Variants in KPNA4 observed in about 807,000 individuals in gnomAD.
KPNA4 encodes the protein importin subunit alpha-3.
KPNA4 carries 13 observed loss-of-function variants against 71.3 expected under a neutral mutation model. That is an observed-to-expected ratio of 0.18 (90% CI 0.12 to 0.29). The LOEUF (loss-of-function observed/expected upper bound fraction) is 0.29, where lower values mean the gene tolerates loss of function less well. KPNA4 is among the 10% of genes least tolerant of loss of function. The probability of loss-of-function intolerance (pLI) is 1.00; values close to 1 mark genes in which losing one functional copy is unlikely to be tolerated. For synonymous variants in KPNA4, 189 were observed against 195.2 expected (o/e 0.97, Z 0.26); for missense variants, 334 against 603.2 (o/e 0.55, Z 4.67).
chr3:160,562,660 C>T (rs1268352125), intron 1 of KPNA4, among the ~76,000 whole-genome samples: 1 of 152,162 alleles, frequency 6.6e-6, no homozygotes, highest in Non-Finnish European at 1.5e-5. Context: ...ACAGTGTGGA[C>T]AAAGTATGAC....
chr3:160,555,757 A>G (rs1439779064), intron 1 of KPNA4, among the ~76,000 whole-genome samples: 1 of 152,092 alleles, frequency 6.6e-6, no homozygotes, highest in Non-Finnish European at 1.5e-5. Context: ...TGCATATACC[A>G]TACTTTGTGC....
At chr3:160,505,390 T>G (rs1312997151) in intron 15 of KPNA4, among the ~76,000 whole-genome samples, 1 of 152,226 alleles carries the variant, frequency 6.6e-6, no homozygotes, top group Non-Finnish European at 1.5e-5. Flanking sequence ...AAGCGGAATC[T>G]TCCTACTTTC....
intron 11 of KPNA4, among the ~76,000 whole-genome samples, chr3:160,520,077 T>A (rs1480992303): frequency 4.6e-5 from 7 of 152,036 alleles, no homozygotes; most frequent in Non-Finnish European, 1.5e-5. Flanking sequence ...AGATCCTTAA[T>A]GAAGTCCATT....
intron 16 of KPNA4, among the ~76,000 whole-genome samples, chr3:160,503,503 C>T (rs1720921928): frequency 6.6e-6 from 1 of 152,092 alleles, no homozygotes; most frequent in Admixed American, 6.5e-5. Context: ...GGATACTCCA[C>T]CTATAATAGT....
At position 160,514,100 on chromosome 3, in the gene KPNA4, T is replaced by C. The variant is rs1295191903; in HGVS notation, c.1114A>G (p.Met372Val). The change falls in exon 13 of 17, where the codon ATG becomes GTG. Residue 372 changes from methionine (M) to valine (V), a missense_variant. Transcript: ENST00000334256. ...ACCTTATCCAAAAGGTGTATTATCA[T>C]TGGTACAAGATTGGCATCAATTACT... ...QAVIDANLVPMIIHLLDKGDF... is the reference protein window; with the variant it reads ...QAVIDANLVPVIIHLLDKGDF... The C allele has an allele frequency of 5.1e-6, 8 of 1,582,184 alleles. No individual in the cohort carries two copies. The highest frequency in any genetic ancestry group is 8.5e-7 in the Non-Finnish European group (1 of 1,169,636).
In KPNA4 at chr3:160,500,040, A is replaced by G. The variant is rs535302299; in HGVS notation, c.*2064T>C. On this transcript the variant is annotated 3_prime_UTR_variant, in exon 17 of 17. Coordinates refer to ENST00000334256, the MANE Select transcript of KPNA4 (RefSeq NM_002268.5). ...ATTAATATGTCCATACTGAAATGAC[A>G]GAACCAAAGAAATTTCTTATTATGC... The G allele has an allele frequency of 5.9e-5, 9 of 151,618 alleles. No homozygotes were observed. Among genetic ancestry groups the G allele is most frequent in the African/African-American group, 2.2e-4 (9 of 41,502 alleles). 9.4% of individuals were successfully genotyped at this position (151,618 alleles called of 1,614,324 possible). A position where few individuals can be genotyped will look rare whatever the true frequency, so the allele number is the denominator to read the frequency against.
At chr3:160,510,310 G>T (rs1278198908) in intron 13 of KPNA4, among the ~76,000 whole-genome samples, 4 of 150,886 alleles carry the variant, frequency 2.7e-5, no homozygotes, top group South Asian at 2.1e-4. Flanking sequence ...ATGAAGCGAA[G>T]AAATATTTAA....
chr3:160,541,408 T>C (rs1022671586), intron 1 of KPNA4, among the ~76,000 whole-genome samples: 39 of 152,136 alleles, frequency 2.6e-4, no homozygotes, highest in East Asian at 9.6e-4. Context: ...CTGACTTTCA[T>C]TGATACCTTG....
chr3:160,541,503 T>A (rs909366903), intron 1 of KPNA4, among the ~76,000 whole-genome samples: 1 of 152,160 alleles, frequency 6.6e-6, no homozygotes, highest in Non-Finnish European at 1.5e-5. Context: ...AGAGATCTTC[T>A]GTGTGGTGAC....
chr3:160,535,589 G>T, intron 4 of KPNA4, 24 bp from the exon 5 acceptor site: 1 of 1,583,060 alleles, frequency 6.3e-7, no homozygotes, highest in South Asian at 1.2e-5. Context: ...AATAATTTAT[G>T]ATGTAAATAT....
chr3:160,497,154 C>G lies in KPNA4; in HGVS notation c.*4950G>C, dbSNP rs1720781142. 6.6e-6 allele frequency: 1 copy of G among 152,260 alleles called. No homozygotes were observed. Among genetic ancestry groups the G allele is most frequent in the Non-Finnish European group, 1.5e-5 (1 of 68,096 alleles). 9.4% of individuals were successfully genotyped at this position (152,260 alleles called of 1,614,324 possible). On this transcript the variant is annotated 3_prime_UTR_variant, in exon 17 of 17. Transcript: ENST00000334256. ...GGCTGGTTGGGCGCAGTGGCTCACG[C>G]CTGTAATCCCAGCACTTTGGGAAGC... is the stretch of plus-strand genomic sequence containing the variant.
intron 8 of KPNA4, 136 bp from the exon 9 acceptor site, chr3:160,526,243 A>G (rs899196765): frequency 5.3e-6 from 3 of 567,764 alleles, no homozygotes; most frequent in Non-Finnish European, 8.5e-6. Flanking sequence ...AATAACAAGC[A>G]GGCTCACATT....
chr3:160,521,934 A>T (rs760604526), intron 10 of KPNA4, 24 bp from the exon 11 acceptor site: 2 of 1,578,482 alleles, frequency 1.3e-6, no homozygotes, highest in Non-Finnish European at 8.6e-7. Flanking sequence ...TAAAAATTCA[A>T]ACAACTTTTA....
At chr3:160,539,567 A>T (rs1170109973) in intron 1 of KPNA4, among the ~76,000 whole-genome samples, 1 of 152,236 alleles carries the variant, frequency 6.6e-6, no homozygotes, top group Non-Finnish European at 1.5e-5. Context: ...AGTGAATTGG[A>T]GAGCCAATGG....
chr3:160,525,518 A>T (rs1192669123), intron 10 of KPNA4, among the ~76,000 whole-genome samples: 2 of 152,360 alleles, frequency 1.3e-5, no homozygotes, highest in Admixed American at 1.3e-4. Context: ...GTCAGTTTTT[A>T]TAACACTAAT....
chr3:160,524,574 A>ACTCAAGTGATCCTCCTGCC (rs1721424249), intron 10 of KPNA4, among the ~76,000 whole-genome samples: 1 of 151,834 alleles, frequency 6.6e-6, no homozygotes, highest in Non-Finnish European at 1.5e-5. Flanking sequence ...GAACTCCTGC[A>ACTCAAGTGATCCTCCTGCC]CTCAAGTGAT....
In KPNA4 at chr3:160,565,462, C is replaced by A. The variant is rs868050280; in HGVS notation, c.-180G>T. 2.4e-5 allele frequency: 14 copies of A among 580,764 alleles called. No homozygotes were observed. Among genetic ancestry groups the A allele is most frequent in the Admixed American group, 1.3e-4 (4 of 31,456 alleles). 36.0% of individuals were successfully genotyped at this position (580,764 alleles called of 1,614,324 possible). On this transcript the variant is annotated 5_prime_UTR_variant, in exon 1 of 17. Transcript: ENST00000334256. ...CCTTCTCCTCTCCCCGCCCGCCCCC[C>A]CGCCCTAACCCCAGCGCGACTGCAG...
At chr3:160,541,655 A>G (rs879928182) in intron 1 of KPNA4, among the ~76,000 whole-genome samples, 1,666 of 150,450 alleles carry the variant, frequency 0.011, 54 homozygotes, top group East Asian at 0.099. Context: ...ACGCGCACAC[A>G]CACACACACA....
chr3:160,543,920 C>G lies in KPNA4; in HGVS notation c.70-7080G>C, dbSNP rs1181526757. Among the ~76,000 whole-genome samples the G allele has an allele frequency of 2.6e-5, 4 of 152,006 alleles. No individual in the cohort carries two copies. The South Asian group carries it at 8.3e-4, about 32-fold the overall frequency. On this transcript the variant is annotated intron_variant, in intron 1 of 16. Coordinates refer to ENST00000334256, the MANE Select transcript of KPNA4 (RefSeq NM_002268.5). ...CTGCCCAGGCTGCAGTGCAATGGCG[C>G]GATCTCAGCTCACTGCAACCTCCGC...
Sources: gnomAD v4.1 joint callset for allele counts (sites outside exome capture counted in the v4.1 genomes callset) on GRCh38, gnomAD v4.1.1 for gene constraint, MANE v1.5 for transcripts, NCBI Gene and HGNC (gene_info 2026-07-23, HGNC 2026-07-21) for gene names.